GPRIN2: variants seen among roughly 807,000 people sequenced by gnomAD.
The protein encoded by GPRIN2 is G protein-regulated inducer of neurite outgrowth 2.
GPRIN2 carries 1 observed loss-of-function variant against 0.3 expected under a neutral mutation model. The observed-to-expected ratio is 3.90, with a 90% confidence interval of 1.39 to 18.51. The LOEUF (loss-of-function observed/expected upper bound fraction) is 18.51, where lower values mean the gene tolerates loss of function less well. GPRIN2 is among the 30% of genes most tolerant of loss of function. GPRIN2 has a pLI of 0.11. For missense variants in GPRIN2, 880 were observed against 604.2 expected, an observed-to-expected ratio of 1.46 and a Z score of -4.79; for synonymous variants, 361 against 258.6, an observed-to-expected ratio of 1.40 and a Z score of -3.80.
rs1345785326 is a variant in GPRIN2, at chr10:46,549,249, G to A, written c.*111C>T. 7.5e-7 allele frequency: 1 copy of A among 1,335,142 alleles called. No individual in the cohort carries two copies. Among genetic ancestry groups the A allele is most frequent in the Admixed American group, 3.3e-5 (1 of 30,124 alleles). 82.7% of individuals were successfully genotyped at this position (1,335,142 alleles called of 1,614,324 possible). A position where few individuals can be genotyped will look rare whatever the true frequency, so the allele number is the denominator to read the frequency against. On this transcript the variant is annotated 3_prime_UTR_variant, in exon 3 of 3. Coordinates refer to ENST00000374314, the MANE Select transcript of GPRIN2 (RefSeq NM_001385282.1). ...CTGGAGGCAGCCAATATTCAGGTGA[G>A]AGATGTGCCCAGCTGCCGGTGGGTC...
Position 46,550,715 on chromosome 10 carries a change from G to A in GPRIN2, c.22C>T (p.Pro8Ser). Residue 8 changes from proline to serine, a missense_variant, in exon 3 of 3, where the codon CCG (proline) becomes TCG (serine). Physicochemically the swap from Pro to Ser is moderately conservative, Grantham distance 74. Coordinates refer to ENST00000374314, the MANE Select transcript of GPRIN2 (RefSeq NM_001385282.1). ...GGGCTCAGGGGTGCCCAGGGACCCG[G>A]CTCGGGGCGGCTGGAGCTCATGGCT... MSSSRPE[P>S]GPWAPLSPRL... 1.3e-6 allele frequency: 2 copies of A among 1,508,874 alleles called. No individual in the cohort carries two copies. Among genetic ancestry groups the A allele is most frequent in the Non-Finnish European group, 8.8e-7 (1 of 1,130,998 alleles). 93.5% of individuals were successfully genotyped at this position (1,508,874 alleles called of 1,614,324 possible). A position where few individuals can be genotyped will look rare whatever the true frequency, so the allele number is the denominator to read the frequency against.
rs1172650638 is a variant in GPRIN2 at position 46,547,702 on chromosome 10, C to G, written c.*1658G>C. Reference sequence around the variant, plus strand: ...GGGTTCCTGGAGACTCCATGGGGAGCCAGGCATGAAGATGGCATATACCCA... The same window carrying G: ...GGGTTCCTGGAGACTCCATGGGGAGGCAGGCATGAAGATGGCATATACCCA... On this transcript the variant is annotated 3_prime_UTR_variant, in exon 3 of 3. Coordinates refer to ENST00000374314, the MANE Select transcript of GPRIN2 (RefSeq NM_001385282.1). 6.6e-6 allele frequency among the ~76,000 whole-genome samples: 1 copy of G among 152,310 alleles called. No homozygotes were observed. The highest frequency in any genetic ancestry group is 1.5e-5 in the Non-Finnish European group (1 of 68,058).
rs910275793 is a variant in GPRIN2, at chr10:46,547,689, A to T, written c.*1671T>A. Reference sequence around the variant, plus strand: ...CCCTAACAGGCTGGGGTTCCTGGAGACTCCATGGGGAGCCAGGCATGAAGA... The same window carrying T: ...CCCTAACAGGCTGGGGTTCCTGGAGTCTCCATGGGGAGCCAGGCATGAAGA... On this transcript the variant is annotated 3_prime_UTR_variant, in exon 3 of 3. Coordinates refer to ENST00000374314, the MANE Select transcript of GPRIN2 (RefSeq NM_001385282.1). Among the ~76,000 whole-genome samples, 1 of 152,418 alleles carries T rather than the reference A, an allele frequency of 6.6e-6. No individual in the cohort carries two copies. Among genetic ancestry groups the T allele is most frequent in the East Asian group, 1.9e-4 (1 of 5,192 alleles).
Position 46,546,081 on chromosome 10 carries a change from G to A in GPRIN2, c.*3279C>T, listed in dbSNP as rs1159598913. Among the ~76,000 whole-genome samples the A allele has an allele frequency of 6.6e-6, 1 of 152,312 alleles. No homozygotes were observed. Among genetic ancestry groups the A allele is most frequent in the Non-Finnish European group, 1.5e-5 (1 of 68,058 alleles). Reference sequence around the variant, plus strand: ...ACAGAGACCCAATCCAGGTGACACAGGAGGTAAGATCACAGTGGAACAGGC... The same window carrying A: ...ACAGAGACCCAATCCAGGTGACACAAGAGGTAAGATCACAGTGGAACAGGC... On this transcript the variant is annotated 3_prime_UTR_variant, in exon 3 of 3. Transcript: ENST00000374314.
Position 46,545,082 on chromosome 10 carries a change from G to C in GPRIN2, c.*4278C>G, listed in dbSNP as rs1842037455. 6.6e-6 allele frequency among the ~76,000 whole-genome samples: 1 copy of C among 152,310 alleles called. No homozygotes were observed. The highest frequency in any genetic ancestry group is 1.5e-5 in the Non-Finnish European group (1 of 68,056). On this transcript the variant is annotated 3_prime_UTR_variant, in exon 3 of 3. Coordinates refer to ENST00000374314, the MANE Select transcript of GPRIN2 (RefSeq NM_001385282.1). ...CAAGCTCTGCATTTAACTAACCAAG[G>C]CTGCTTGGCGTGAACAAAACTGAGA...
Position 46,556,607 on chromosome 10 carries a change from C to G in GPRIN2, c.-227G>C, listed in dbSNP as rs997234683. 6.6e-6 allele frequency among the ~76,000 whole-genome samples: 1 copy of G among 151,974 alleles called. No homozygotes were observed. The highest frequency in any genetic ancestry group is 1.5e-5 in the Non-Finnish European group (1 of 67,962). ...AGCCAGAGCCGACCTGGCCTGGGCGCGAGACGCCGCCCGCCGCCGTCGGCC... is the reference window on the plus strand; with the variant it reads ...AGCCAGAGCCGACCTGGCCTGGGCGGGAGACGCCGCCCGCCGCCGTCGGCC... On this transcript the variant is annotated 5_prime_UTR_variant, in exon 1 of 3. Transcript: ENST00000374314.
Position 46,546,366 on chromosome 10 carries a change from G to C in GPRIN2, c.*2994C>G, listed in dbSNP as rs2133192111. Among the ~76,000 whole-genome samples, 1 of 152,428 alleles carries C rather than the reference G, an allele frequency of 6.6e-6. No individual in the cohort carries two copies. The highest frequency in any genetic ancestry group is 6.5e-5 in the Admixed American group (1 of 15,314). On this transcript the variant is annotated 3_prime_UTR_variant, in exon 3 of 3. Coordinates refer to ENST00000374314, the MANE Select transcript of GPRIN2 (RefSeq NM_001385282.1). ...CAGACAGAGGGGGGATTCCTGCTGA[G>C]GCAAGGGGCTCTAGGACTCCAGGGT... is the stretch of plus-strand genomic sequence containing the variant.
chr10:46,545,369 G>A lies in GPRIN2; in HGVS notation c.*3991C>T, dbSNP rs1384209145. ...CTGGGTAGTCCTTACTCTGAGGTGG[G>A]ACTGCATCCAGGGCTCCCCTTTAGG... On this transcript the variant is annotated 3_prime_UTR_variant, in exon 3 of 3. Coordinates refer to ENST00000374314, the MANE Select transcript of GPRIN2 (RefSeq NM_001385282.1). Among the ~76,000 whole-genome samples, 1 of 152,308 alleles carries A rather than the reference G, an allele frequency of 6.6e-6. No individual in the cohort carries two copies. Among genetic ancestry groups the A allele is most frequent in the Admixed American group, 6.5e-5 (1 of 15,294 alleles).
intron 1 of GPRIN2, among the ~76,000 whole-genome samples, chr10:46,556,150 G>A (rs1430887841): frequency 6.6e-6 from 1 of 152,310 alleles, no homozygotes; most frequent in African/African-American, 2.4e-5. Context: ...AAGGCTGGGG[G>A]CGGGGTAGGC....
rs1833023783 is a variant in GPRIN2, at chr10:46,543,659, C to A, written c.*5701G>T. Among the ~76,000 whole-genome samples, 360 of 152,226 alleles carry A rather than the reference C, an allele frequency of 2.4e-3. No individual in the cohort carries two copies. Among genetic ancestry groups the A allele is most frequent in the South Asian group, 5.6e-3 (27 of 4,824 alleles). On this transcript the variant is annotated 3_prime_UTR_variant, in exon 3 of 3. Coordinates refer to ENST00000374314, the MANE Select transcript of GPRIN2 (RefSeq NM_001385282.1). Reference sequence around the variant, plus strand: ...AGCGCACACCTTAAAACTAGACACACTCCCCTGCCCTGAGCCCCAGATGTC... The same window carrying A: ...AGCGCACACCTTAAAACTAGACACAATCCCCTGCCCTGAGCCCCAGATGTC...
rs1832242434 is a variant in GPRIN2, at chr10:46,550,798, C to T, written c.-6-56G>A. ...TTGAGTTGGGTGGCAGCACCTAAGC[C>T]GATTCTACTATGAACTCCCACAGTG... is the stretch of plus-strand genomic sequence containing the variant. On this transcript the variant is annotated intron_variant, in intron 2 of 2. Transcript: ENST00000374314. 34 of 1,474,474 alleles carry T rather than the reference C, an allele frequency of 2.3e-5. No homozygotes were observed. The Admixed American group carries it at 2.5e-4, about 11-fold the overall frequency. The allele number at this position is 1,474,474 out of a possible 1,614,324, so 91.3% of individuals were successfully genotyped here.
At position 46,543,000 on chromosome 10, in the gene GPRIN2, C is replaced by T. The variant is rs1841873238; in HGVS notation, c.*6360G>A. On this transcript the variant is annotated 3_prime_UTR_variant, in exon 3 of 3. Transcript: ENST00000374314. Reference sequence around the variant, plus strand: ...CTGATGGGGTGCCCTTCCAGCCCGACCAAAGTCCTTCCATTCACCCAGCAG... The same window carrying T: ...CTGATGGGGTGCCCTTCCAGCCCGATCAAAGTCCTTCCATTCACCCAGCAG... Among the ~76,000 whole-genome samples, 1 of 152,308 alleles carries T rather than the reference C, an allele frequency of 6.6e-6. No homozygotes were observed.
rs1192076483 is a variant in GPRIN2 at position 46,547,023 on chromosome 10, GA to G, written c.*2336del. On this transcript the variant is annotated 3_prime_UTR_variant, in exon 3 of 3. Coordinates refer to ENST00000374314, the MANE Select transcript of GPRIN2 (RefSeq NM_001385282.1). ...ATAAGAATCTGCACGTGACACAGAA[GA>G]AAGTCTCTTCATGAAGTAGGTTTCA... Among the ~76,000 whole-genome samples the G allele has an allele frequency of 1.3e-5, 2 of 152,308 alleles. No individual in the cohort carries two copies. Among genetic ancestry groups the G allele is most frequent in the African/African-American group, 4.8e-5 (2 of 41,488 alleles).
chr10:46,551,238 C>T (rs993438787), intron 2 of GPRIN2, among the ~76,000 whole-genome samples: 21 of 152,294 alleles, frequency 1.4e-4, no homozygotes, highest in African/African-American at 5.1e-4. Flanking sequence ...CTGGCAGTAT[C>T]CAACTCACTG....
At chr10:46,556,749 C>A (rs891130090), upstream of GPRIN2, among the ~76,000 whole-genome samples, 1 of 152,240 alleles carries the variant, frequency 6.6e-6, no homozygotes, top group South Asian at 2.1e-4. Context: ...CACTCTGGAG[C>A]CTGCCACCGC....
At chr10:46,553,680 G>A (rs914686436) in intron 2 of GPRIN2, among the ~76,000 whole-genome samples, 3 of 152,306 alleles carry the variant, frequency 2.0e-5, no homozygotes, top group African/African-American at 7.2e-5. Flanking sequence ...AGAGACCCCC[G>A]TGTGGGCTAT....
rs2131593350 is a variant in GPRIN2, at chr10:46,550,313, T to C, written c.424A>G (p.Ser142Gly). The C allele has an allele frequency of 6.2e-7, 1 of 1,613,264 alleles. No homozygotes were observed. The highest frequency in any genetic ancestry group is 8.5e-7 in the Non-Finnish European group (1 of 1,179,960). Residue 142 changes from serine to glycine, a missense_variant, in exon 3 of 3, where the codon AGC (serine) becomes GGC (glycine). Coordinates refer to ENST00000374314, the MANE Select transcript of GPRIN2 (RefSeq NM_001385282.1). The stretch of plus-strand genomic sequence containing the variant: ...GGGCTGCTGCCAAGGGCTGAGCAGC[T>C]GAGACTGGCCTTCCGAGCACCACTG... Reference protein sequence around the residue: ...GHSGARKASLSCSALGSSPVH... With the variant: ...GHSGARKASLGCSALGSSPVH...
intron 2 of GPRIN2, among the ~76,000 whole-genome samples, 171 bp downstream of exon 2, chr10:46,554,414 A>G (rs1464783666): frequency 6.6e-6 from 1 of 152,308 alleles, no homozygotes; most frequent in East Asian, 1.9e-4. Context: ...GCATGCATAC[A>G]AGTCTAGAGT....
Position 46,550,267 on chromosome 10 carries a change from T to G in GPRIN2, c.470A>C (p.Gln157Pro). 3 of 1,611,662 alleles carry G rather than the reference T, an allele frequency of 1.9e-6. No individual in the cohort carries two copies. The highest frequency in any genetic ancestry group is 2.5e-6 in the Non-Finnish European group (3 of 1,178,892). The change falls in exon 3 of 3, where the codon CAG becomes CCG. Residue 157 changes from glutamine (Q) to proline (P), a missense_variant. Physicochemically the swap from Gln to Pro is moderately conservative, Grantham distance 76. Transcript: ENST00000374314. ...GSSPVHRAQL[Q>P]PGGTSGQGGQ... ...ACCCTGGCCAGAAGTACCACCTGGC[T>G]GCAGCTGAGCCCTGTGGACAGGGCT...
Sources: gnomAD v4.1 joint callset for allele counts (sites outside exome capture counted in the v4.1 genomes callset) on GRCh38, gnomAD v4.1.1 for gene constraint, MANE v1.5 for transcripts, NCBI Gene and HGNC (gene_info 2026-07-23, HGNC 2026-07-21) for gene names.